The following DLG2 variants were observed in gnomAD, a reference collection of about 807,000 sequenced individuals.
DLG2 encodes the protein discs large MAGUK scaffold protein 2, also known as disks large homolog 2.
Under a neutral mutation model 132.5 loss-of-function variants are expected in DLG2, and 45 were observed. That is an observed-to-expected ratio of 0.34 (90% CI 0.27 to 0.44). The LOEUF is 0.44. Ranked by LOEUF, DLG2 falls within the 20% of genes least tolerant of loss-of-function variation. DLG2 has a pLI of 1.00. For missense variants in DLG2, 1,045 were observed against 1,196.9 expected (o/e 0.87, Z 1.87); for synonymous variants, 424 against 419.6 (o/e 1.01, Z -0.13).
In DLG2 at chr11:84,805,893, T is replaced by A. The variant is rs189256468; in HGVS notation, c.358-271162A>T. Reference sequence around the variant, plus strand: ...GCCAATACCAAGGTGAAAGTTAATGTCATAAAAATGCTTCAAAGAGCAATT... The same window carrying A: ...GCCAATACCAAGGTGAAAGTTAATGACATAAAAATGCTTCAAAGAGCAATT... On this transcript the variant is annotated intron_variant, in intron 6 of 27. Transcript: ENST00000376104. 9.8e-3 allele frequency among the ~76,000 whole-genome samples: 1,485 copies of A among 152,258 alleles called. 8 individuals carry two copies. Among genetic ancestry groups the A allele is most frequent in the Non-Finnish European group, 0.017 (1,162 of 68,018 alleles).
chr11:84,385,028 G>A (rs747472773), intron 7 of DLG2, among the ~76,000 whole-genome samples: 2 of 152,044 alleles, frequency 1.3e-5, no homozygotes, highest in Non-Finnish European at 2.9e-5. Context: ...ATAAAATCAT[G>A]TGTATTTAAA....
intron 3 of DLG2, among the ~76,000 whole-genome samples, chr11:85,597,202 T>C (rs1261515002): frequency 6.6e-6 from 1 of 152,184 alleles, no homozygotes; most frequent in Non-Finnish European, 1.5e-5. Context: ...ATTAAAAATA[T>C]AGTAGAGTTA....
intron 6 of DLG2, among the ~76,000 whole-genome samples, chr11:85,049,828 G>A (rs71469661): frequency 4.1e-4 from 62 of 152,088 alleles, no homozygotes; most frequent in African/African-American, 1.5e-3. Flanking sequence ...CCAAAACTTA[G>A]GGGGTAAAAT....
intron 19 of DLG2, among the ~76,000 whole-genome samples, chr11:83,544,629 G>A (rs958605938): frequency 1.3e-5 from 2 of 152,088 alleles, no homozygotes; most frequent in Non-Finnish European, 2.9e-5. Flanking sequence ...TGTTGAAGAT[G>A]ATAACCATGA....
chr11:84,914,697 C>G (rs1205375427), intron 6 of DLG2, among the ~76,000 whole-genome samples: 1 of 152,218 alleles, frequency 6.6e-6, no homozygotes, highest in Non-Finnish European at 1.5e-5. Flanking sequence ...TTTCGAGGCA[C>G]TGGCCTGTCC....
intron 10 of DLG2, among the ~76,000 whole-genome samples, chr11:84,072,615 T>A (rs1220510310): frequency 6.6e-6 from 1 of 152,212 alleles, no homozygotes; most frequent in Non-Finnish European, 1.5e-5. Context: ...AGGCACAGTT[T>A]AGTGGCTGAT....
At chr11:83,749,866 C>T (rs536392488) in intron 18 of DLG2, among the ~76,000 whole-genome samples, 7 of 152,274 alleles carry the variant, frequency 4.6e-5, no homozygotes, top group African/African-American at 1.7e-4. Flanking sequence ...CAAAGCCTGA[C>T]CTCATAAGAT....
intron 8 of DLG2, among the ~76,000 whole-genome samples, chr11:84,227,351 C>G (rs2097016104): frequency 6.6e-6 from 1 of 151,804 alleles, no homozygotes; most frequent in African/African-American, 2.4e-5. Flanking sequence ...GGGAATAAGG[C>G]CTAGGAAGAG....
intron 6 of DLG2, among the ~76,000 whole-genome samples, chr11:84,605,091 T>C (rs558505874): frequency 2.0e-5 from 3 of 152,076 alleles, no homozygotes; most frequent in Non-Finnish European, 4.4e-5. Context: ...TACATAAAAA[T>C]ATAATTCATC....
At chr11:84,392,089 T>C (rs958256340) in intron 7 of DLG2, among the ~76,000 whole-genome samples, 3 of 152,176 alleles carry the variant, frequency 2.0e-5, no homozygotes, top group Admixed American at 1.3e-4. Context: ...CTGTCACAGA[T>C]TTGTACACTA....
chr11:84,653,043 C>T (rs552438933), intron 6 of DLG2, among the ~76,000 whole-genome samples: 4 of 151,940 alleles, frequency 2.6e-5, no homozygotes, highest in African/African-American at 9.7e-5. Flanking sequence ...GTGATTCCTG[C>T]CTCAGCCTCC....
At chr11:84,870,617 A>G (rs939509729) in intron 6 of DLG2, among the ~76,000 whole-genome samples, 1 of 152,222 alleles carries the variant, frequency 6.6e-6, no homozygotes, top group African/African-American at 2.4e-5. Flanking sequence ...GTGAAATGCC[A>G]TACAGATAGA....
At chr11:84,377,574 T>A (rs1341581941) in intron 7 of DLG2, among the ~76,000 whole-genome samples, 1 of 151,956 alleles carries the variant, frequency 6.6e-6, no homozygotes, top group Non-Finnish European at 1.5e-5. Context: ...ATTAGAACTC[T>A]AAAATATTAA....
chr11:85,618,282 T>A (rs2081472820), intron 2 of DLG2, among the ~76,000 whole-genome samples: 1 of 151,884 alleles, frequency 6.6e-6, no homozygotes, highest in Non-Finnish European at 1.5e-5. Context: ...AAAAAAAAAA[T>A]CTCTCCCTTA....
At position 85,150,113 on chromosome 11, in the gene DLG2, G is replaced by C. The variant is rs143622450; in HGVS notation, c.282+4443C>G. 1.9e-3 allele frequency among the ~76,000 whole-genome samples: 261 copies of C among 139,494 alleles called. 3 individuals are homozygous for C. Among genetic ancestry groups the C allele is most frequent in the African/African-American group, 6.6e-3 (241 of 36,502 alleles). 91.5% of individuals were successfully genotyped at this position (139,494 alleles called of 152,430 possible). A position where few individuals can be genotyped will look rare whatever the true frequency, so the allele number is the denominator to read the frequency against. On this transcript the variant is annotated intron_variant, in intron 5 of 27. Coordinates refer to ENST00000376104, the MANE Select transcript of DLG2 (RefSeq NM_001142699.3). ...CAGCTCACTGCAGGTTCCGCCTCCC[G>C]AGTTCACGCCATTCTCCTGCCTCGG... is the stretch of plus-strand genomic sequence containing the variant.
chr11:84,190,271 A>G (rs2096380403), intron 8 of DLG2, among the ~76,000 whole-genome samples: 1 of 152,178 alleles, frequency 6.6e-6, no homozygotes, highest in Non-Finnish European at 1.5e-5. Context: ...GACAGAAAGA[A>G]AAAGATATAA....
intron 7 of DLG2, among the ~76,000 whole-genome samples, chr11:84,285,506 T>C (rs2097900933): frequency 6.6e-6 from 1 of 152,200 alleles, no homozygotes. Flanking sequence ...CTCCCACCTG[T>C]TCTCCAGAAT....
At chr11:83,833,324 G>A (rs1191439364) in intron 17 of DLG2, among the ~76,000 whole-genome samples, 1 of 152,064 alleles carries the variant, frequency 6.6e-6, no homozygotes, top group Non-Finnish European at 1.5e-5. Flanking sequence ...TATAATCTCA[G>A]CTACTCAGGA....
chr11:83,953,247 T>G (rs2085935429), intron 14 of DLG2, among the ~76,000 whole-genome samples: 1 of 152,204 alleles, frequency 6.6e-6, no homozygotes, highest in South Asian at 2.1e-4. Context: ...CAGCTAATGA[T>G]ATAGGACAGG....
Sources: allele counts gnomAD v4.1 joint callset (sites outside exome capture counted in the v4.1 genomes callset), GRCh38; gene constraint gnomAD v4.1.1; transcripts MANE v1.5; gene names NCBI Gene and HGNC (gene_info 2026-07-23, HGNC 2026-07-21).